Variants in NEDD4 observed in about 807,000 individuals in gnomAD.
The protein encoded by NEDD4 is E3 ubiquitin-protein ligase NEDD4.
Under a neutral mutation model 144.9 loss-of-function variants are expected in NEDD4, and 99 were observed. That is an observed-to-expected ratio of 0.68 (90% CI 0.58 to 0.81). NEDD4 has a LOEUF of 0.81. NEDD4 is among the 30% of genes least tolerant of loss of function. NEDD4 has a pLI of 0.00. For missense variants in NEDD4, 985 were observed against 1,065.9 expected (o/e 0.92, Z 1.06); for synonymous variants, 318 against 350.6 (o/e 0.91, Z 1.04).
chr15:55,860,931 AT>A (rs2034380609), intron 9 of NEDD4, among the ~76,000 whole-genome samples, 153 bp from the exon 10 acceptor site: 1 of 152,226 alleles, frequency 6.6e-6, no homozygotes, highest in Admixed American at 6.5e-5. Context: ...CAAAGATTCA[AT>A]CATGGGTAGG....
chr15:55,963,175 AGGCTGGAGT>A (rs2037454715), intron 2 of NEDD4, among the ~76,000 whole-genome samples: 1 of 144,744 alleles, frequency 6.9e-6, no homozygotes, highest in African/African-American at 2.6e-5. Context: ...TCTGTCGCCT[AGGCTGGAGT>A]GCAGTGGCAA....
In NEDD4 at chr15:55,839,999, AATATATATATATATATATATAT is replaced by A. The variant is rs1176994871; in HGVS notation, c.2031+426_2031+447del. On this transcript the variant is annotated intron_variant, in intron 21 of 28. Coordinates refer to ENST00000435532, the MANE Select transcript of NEDD4 (RefSeq NM_006154.4). Reference sequence around the variant, plus strand: ...AAAAAAAAAAAAAAAAAAAAAAAAAAATATATATATATATATATATATATATATATATATATATATATAACAT... The same window carrying A: ...AAAAAAAAAAAAAAAAAAAAAAAAAAATATATATATATATATATATAACAT... Among the ~76,000 whole-genome samples, 99 of 26,096 alleles carry A rather than the reference AATATATATATATATATATATAT, an allele frequency of 3.8e-3. 3 individuals are homozygous for A. The highest frequency in any genetic ancestry group is 0.011 in the East Asian group (12 of 1,130). 17.1% of individuals were successfully genotyped at this position (26,096 alleles called of 152,430 possible).
At chr15:55,927,757 G>A (rs1272939672) in intron 4 of NEDD4, among the ~76,000 whole-genome samples, 11 of 152,128 alleles carry the variant, frequency 7.2e-5, no homozygotes, top group African/African-American at 2.4e-4. Flanking sequence ...TTGGACTGGA[G>A]ACAGACCCTG....
chr15:55,946,009 A>G, intron 4 of NEDD4, among the ~76,000 whole-genome samples: 1 of 152,228 alleles, frequency 6.6e-6, no homozygotes, highest in Non-Finnish European at 1.5e-5. Flanking sequence ...AGGAAGCACT[A>G]AACATGGAAG....
rs1342011622 is a variant in NEDD4, at chr15:55,848,407, C to G, written c.1507G>C (p.Asp503His). The change falls in exon 17 of 29, where the codon GAT becomes CAT. Residue 503 changes from aspartate (D) to histidine (H), a missense_variant. Asp to His is a moderately conservative substitution (Grantham distance 81, BLOSUM62 -1). Coordinates refer to ENST00000435532, the MANE Select transcript of NEDD4 (RefSeq NM_006154.4). ...NHNIKRTQWEDPRLENVAITG... is the reference protein window; with the variant it reads ...NHNIKRTQWEHPRLENVAITG... ...ATTGCTACATTCTCCAACCGAGGAT[C>G]TTCCCATTGTGTTCTTTTTATATCT... 2 of 1,614,130 alleles carry G rather than the reference C, an allele frequency of 1.2e-6. No homozygotes were observed. Among genetic ancestry groups the G allele is most frequent in the Non-Finnish European group, 1.7e-6 (2 of 1,180,010 alleles).
intron 7 of NEDD4, among the ~76,000 whole-genome samples, chr15:55,871,026 C>G (rs2034774490): frequency 6.6e-6 from 1 of 152,004 alleles, no homozygotes; most frequent in Admixed American, 6.6e-5. Context: ...GATTACCTAC[C>G]CCCACTCCCA....
intron 5 of NEDD4, among the ~76,000 whole-genome samples, chr15:55,877,779 TATC>T (rs2142080824): frequency 6.6e-6 from 1 of 152,326 alleles, no homozygotes; most frequent in African/African-American, 2.4e-5. Context: ...TTCTAATTTA[TATC>T]ATCATAGACT....
chr15:55,870,238 A>G (rs2034735112), intron 7 of NEDD4, among the ~76,000 whole-genome samples: 1 of 152,146 alleles, frequency 6.6e-6, no homozygotes, highest in Non-Finnish European at 1.5e-5. Flanking sequence ...GGGATAGAGA[A>G]AGGTATCCTC....
intron 15 of NEDD4, 92 bp from the exon 16 acceptor site, chr15:55,848,667 G>C: frequency 7.8e-7 from 1 of 1,274,306 alleles, no homozygotes; most frequent in Non-Finnish European, 1.1e-6. Context: ...AATTTAACTT[G>C]CATATTCCAT....
intron 1 of NEDD4, among the ~76,000 whole-genome samples, chr15:55,968,631 GA>G (rs1314668397): frequency 6.6e-6 from 1 of 152,176 alleles, no homozygotes; most frequent in Non-Finnish European, 1.5e-5. Flanking sequence ...AGAAATACAT[GA>G]AAAGATAATC....
chr15:55,923,732 T>G (rs1211714523), intron 5 of NEDD4, among the ~76,000 whole-genome samples: 3 of 151,852 alleles, frequency 2.0e-5, no homozygotes, highest in African/African-American at 7.3e-5. Flanking sequence ...AGTATGATGT[T>G]TATTAAAGAT....
chr15:55,881,784 A>T (rs976934533), intron 5 of NEDD4, among the ~76,000 whole-genome samples: 2 of 152,184 alleles, frequency 1.3e-5, no homozygotes, highest in South Asian at 4.2e-4. Flanking sequence ...CTGTCACTAG[A>T]GTAATACAGG....
intron 8 of NEDD4, among the ~76,000 whole-genome samples, chr15:55,864,246 C>T (rs570876916): frequency 6.6e-6 from 1 of 152,076 alleles, no homozygotes; most frequent in East Asian, 1.9e-4. Context: ...AAAATGCTCC[C>T]AAAAGGACAC....
chr15:55,904,293 T>C (rs184690727), intron 5 of NEDD4, among the ~76,000 whole-genome samples: 2 of 152,220 alleles, frequency 1.3e-5, no homozygotes, highest in Admixed American at 6.5e-5. Flanking sequence ...TCTATTTCCA[T>C]ACACCTTTTA....
chr15:55,969,051 T>A (rs2037564421), intron 1 of NEDD4, among the ~76,000 whole-genome samples: 2 of 152,166 alleles, frequency 1.3e-5, no homozygotes, highest in South Asian at 4.1e-4. Flanking sequence ...AAGACAGTCT[T>A]GAATTGCCCA....
intron 5 of NEDD4, 43 bp from the exon 6 acceptor site, chr15:55,874,051 A>G: frequency 8.7e-7 from 1 of 1,145,626 alleles, no homozygotes; most frequent in South Asian, 1.5e-5. Context: ...AATACGCTCA[A>G]TTCCTTTAGA....
At chr15:55,872,360 G>A in intron 7 of NEDD4, 55 bp downstream of exon 7, 1 of 725,640 alleles carries the variant, frequency 1.4e-6, no homozygotes, top group Non-Finnish European at 2.2e-6. Context: ...CTACTGTAAG[G>A]TGTAATGAAG....
chr15:55,896,701 C>T (rs1340800025), intron 5 of NEDD4, among the ~76,000 whole-genome samples: 1 of 152,048 alleles, frequency 6.6e-6, no homozygotes, highest in Non-Finnish European at 1.5e-5. Context: ...TATCATGGAG[C>T]CTCCAGTCAT....
intron 5 of NEDD4, among the ~76,000 whole-genome samples, chr15:55,913,337 T>C (rs1490403082): frequency 1.3e-5 from 2 of 152,208 alleles, no homozygotes; most frequent in East Asian, 3.9e-4. Flanking sequence ...TATATAATTA[T>C]TGATAAACAC....
Sources: gnomAD v4.1 joint callset for allele counts (sites outside exome capture counted in the v4.1 genomes callset) on GRCh38, gnomAD v4.1.1 for gene constraint, MANE v1.5 for transcripts, NCBI Gene and HGNC (gene_info 2026-07-23, HGNC 2026-07-21) for gene names.